Variants in CTNNA2 observed in about 807,000 individuals in gnomAD.
CTNNA2 encodes catenin alpha 2.
Under a neutral mutation model 101.0 loss-of-function variants are expected in CTNNA2, and 42 were observed. The observed-to-expected ratio is 0.42, with a 90% CI of 0.32 to 0.54. The LOEUF (loss-of-function observed/expected upper bound fraction) is 0.54, where lower values mean the gene tolerates loss of function less well. Among genes scored for constraint, CTNNA2 ranks in the 20% least tolerant of loss-of-function variants. CTNNA2 has a pLI of 0.14. For synonymous variants in CTNNA2, 450 were observed against 456.4 expected (o/e 0.99, Z 0.18); for missense variants, 871 against 1,223.1 (o/e 0.71, Z 4.29).
chr2:79,865,129 A>G (rs1022181517), intron 4 of CTNNA2, among the ~76,000 whole-genome samples: 24 of 152,226 alleles, frequency 1.6e-4, no homozygotes, highest in African/African-American at 5.3e-4. Context: ...TTAAGCATCA[A>G]TGACACTAGC....
chr2:79,830,687 A>G (rs930176070), intron 3 of CTNNA2, among the ~76,000 whole-genome samples: 5 of 152,166 alleles, frequency 3.3e-5, no homozygotes, highest in African/African-American at 1.2e-4. Context: ...AGCAGGAAGG[A>G]GAAAGCTGGA....
chr2:80,342,434 T>G (rs1672326648), intron 7 of CTNNA2, among the ~76,000 whole-genome samples: 1 of 152,238 alleles, frequency 6.6e-6, no homozygotes, highest in Admixed American at 6.5e-5. Flanking sequence ...TAAACAATGC[T>G]GCTGCTGTAA....
At chr2:80,395,427 C>G (rs1023740784) in intron 8 of CTNNA2, among the ~76,000 whole-genome samples, 6 of 152,124 alleles carry the variant, frequency 3.9e-5, no homozygotes, top group Non-Finnish European at 7.3e-5. Context: ...GACGATGGTC[C>G]CCATCTGTCA....
chr2:79,950,004 G>C (rs536607388), intron 7 of CTNNA2, among the ~76,000 whole-genome samples: 2 of 152,134 alleles, frequency 1.3e-5, no homozygotes, highest in South Asian at 4.1e-4. Flanking sequence ...ATAGTTATGT[G>C]ACTGAAAATG....
chr2:80,146,333 C>A (rs1181348823), intron 7 of CTNNA2, among the ~76,000 whole-genome samples: 4 of 152,124 alleles, frequency 2.6e-5, no homozygotes, highest in Non-Finnish European at 4.4e-5. Flanking sequence ...ACAGTTGTTT[C>A]TTGGATTGTT....
intron 7 of CTNNA2, among the ~76,000 whole-genome samples, chr2:80,322,628 C>A (rs1678823873): frequency 6.6e-6 from 1 of 151,830 alleles, no homozygotes; most frequent in Non-Finnish European, 1.5e-5. Flanking sequence ...GCTGCCCCGG[C>A]CGCAGCCCAG....
chr2:79,293,202 A>G (rs1675873703), intron 2 of CTNNA2: 2 of 152,160 alleles, frequency 1.3e-5, no homozygotes, highest in Non-Finnish European at 2.9e-5. Flanking sequence ...CATCGATGAC[A>G]TCAATGGTTT....
chr2:80,107,921 T>TG (rs2148855099), intron 7 of CTNNA2, among the ~76,000 whole-genome samples: 1 of 152,114 alleles, frequency 6.6e-6, no homozygotes, highest in East Asian at 1.9e-4. Flanking sequence ...AGAGGTTGAG[T>TG]GGGGCGGGCA....
chr2:79,904,573 C>T (rs1685291456), intron 6 of CTNNA2, among the ~76,000 whole-genome samples: 1 of 152,120 alleles, frequency 6.6e-6, no homozygotes, highest in African/African-American at 2.4e-5. Context: ...ATCAAAAGAC[C>T]TGTGCTCAAA....
At chr2:79,894,066 C>T (rs868533224) in intron 6 of CTNNA2, among the ~76,000 whole-genome samples, 49 of 136,466 alleles carry the variant, frequency 3.6e-4, no homozygotes, top group African/African-American at 6.9e-4. Context: ...CTTCTTCTTC[C>T]TCCTCCTCCT....
chr2:79,296,687 A>G (rs2104386602), intron 2 of CTNNA2, among the ~76,000 whole-genome samples: 1 of 152,280 alleles, frequency 6.6e-6, no homozygotes, highest in African/African-American at 2.4e-5. Context: ...AGAAAAGAGA[A>G]TCTTTCTCCA....
At chr2:80,121,423 T>G (rs1222788646) in intron 7 of CTNNA2, among the ~76,000 whole-genome samples, 1 of 152,182 alleles carries the variant, frequency 6.6e-6, no homozygotes, top group Non-Finnish European at 1.5e-5. Flanking sequence ...GAAAACAGTG[T>G]GGTATCATGT....
chr2:79,311,349 C>T (rs572768774), intron 2 of CTNNA2, among the ~76,000 whole-genome samples: 170 of 139,888 alleles, frequency 1.2e-3, no homozygotes, highest in Non-Finnish European at 2.0e-3. Context: ...GCGGAGCTTG[C>T]AGTGAGCCGA....
At chr2:79,224,123 C>A (rs893980199) in intron 2 of CTNNA2, among the ~76,000 whole-genome samples, 5 of 152,072 alleles carry the variant, frequency 3.3e-5, no homozygotes, top group African/African-American at 9.7e-5. Context: ...TTTCTAATAG[C>A]TTTTAAGACA....
rs910273122 is a variant in CTNNA2 at position 80,193,250 on chromosome 2, G to T, written c.1057-199961G>T. 6.6e-5 allele frequency among the ~76,000 whole-genome samples: 10 copies of T among 151,974 alleles called. 1 individual carries two copies. The highest frequency in any genetic ancestry group is 1.5e-5 in the Non-Finnish European group (1 of 68,012). On this transcript the variant is annotated intron_variant, in intron 7 of 18. Coordinates refer to ENST00000402739, the MANE Select transcript of CTNNA2 (RefSeq NM_001282597.3). ...GTTCTTAATTATTTCTTGTTCCTTT[G>T]TCCCTTTCCACTTACATGTACATCA... is the stretch of plus-strand genomic sequence containing the variant.
chr2:80,343,388 TC>T (rs970657715), intron 7 of CTNNA2, among the ~76,000 whole-genome samples: 8 of 149,348 alleles, frequency 5.4e-5, no homozygotes, highest in Non-Finnish European at 1.0e-4. Flanking sequence ...TTTGTCATTT[TC>T]CATCTGGTGA....
intron 7 of CTNNA2, among the ~76,000 whole-genome samples, chr2:80,208,471 T>G (rs1411834730): frequency 3.3e-5 from 5 of 152,194 alleles, no homozygotes; most frequent in African/African-American, 1.2e-4. Flanking sequence ...CAAAATGTAT[T>G]GATGGATTCT....
chr2:80,080,315 G>A (rs1437742948), intron 7 of CTNNA2, among the ~76,000 whole-genome samples: 4 of 152,272 alleles, frequency 2.6e-5, no homozygotes, highest in African/African-American at 7.2e-5. Flanking sequence ...TGGTACTGGC[G>A]AAAGGAGACA....
chr2:80,093,208 T>A (rs958697139), intron 7 of CTNNA2, among the ~76,000 whole-genome samples: 15 of 152,050 alleles, frequency 9.9e-5, no homozygotes, highest in Non-Finnish European at 2.9e-5. Context: ...CCTGTGTCCA[T>A]GTGTTCTCAT....
Sources: gnomAD v4.1 joint callset for allele counts (sites outside exome capture counted in the v4.1 genomes callset) on GRCh38, gnomAD v4.1.1 for gene constraint, MANE v1.5 for transcripts, NCBI Gene and HGNC (gene_info 2026-07-23, HGNC 2026-07-21) for gene names.